Variants in IGDCC3 observed in about 807,000 individuals in gnomAD.
IGDCC3 encodes putative neuronal cell adhesion molecule.
Under a neutral mutation model 72.0 loss-of-function variants are expected in IGDCC3, and 47 were observed. The observed-to-expected ratio is 0.65, with a 90% confidence interval of 0.52 to 0.83. IGDCC3 has a LOEUF of 0.83. Ranked by LOEUF, IGDCC3 falls within the 40% of genes least tolerant of loss-of-function variation. The pLI, the probability that IGDCC3 is intolerant of heterozygous loss-of-function variation, is 0.00. For missense variants in IGDCC3, 1,038 were observed against 1,091.3 expected, an observed-to-expected ratio of 0.95 and a Z score of 0.69; for synonymous variants, 477 against 472.8, an observed-to-expected ratio of 1.01 and a Z score of -0.11.
At position 65,372,519 on chromosome 15, in the gene IGDCC3, G is replaced by A. The variant is rs150957177; in HGVS notation, c.409+2578C>T. Reference sequence around the variant, plus strand: ...CATCTGAACCCCCTGATGGAAGGGCGTGCATTTCCAACCATCCGCCTCTGG... The same window carrying A: ...CATCTGAACCCCCTGATGGAAGGGCATGCATTTCCAACCATCCGCCTCTGG... On this transcript the variant is annotated intron_variant, in intron 2 of 13. Coordinates refer to ENST00000327987, the MANE Select transcript of IGDCC3 (RefSeq NM_004884.4). 2.6e-4 allele frequency among the ~76,000 whole-genome samples: 40 copies of A among 152,280 alleles called. 2 individuals are homozygous for A. In the East Asian group the frequency reaches 3.7e-3, roughly 14 times the overall value.
Position 65,331,641 on chromosome 15 carries a change from T to C in IGDCC3, c.1167A>G (p.Gly389=). 1.2e-6 allele frequency: 2 copies of C among 1,608,258 alleles called. No homozygotes were observed. The highest frequency in any genetic ancestry group is 1.7e-6 in the Non-Finnish European group (2 of 1,176,150). Reference sequence around the variant, plus strand: ...AAATGGCTTCATCCTCAGGACCGATTCCAGAAATGGTCAGTGTGCTGCAGG... The same window carrying C: ...AAATGGCTTCATCCTCAGGACCGATCCCAGAAATGGTCAGTGTGCTGCAGG... The part of the protein sequence containing the change: ...KNNNSTLTIS[G]IGPEDEAIYQ... The change falls in exon 8 of 14, where the codon GGA becomes GGG. Residue 389 remains glycine, a synonymous_variant. Coordinates refer to ENST00000327987, the MANE Select transcript of IGDCC3 (RefSeq NM_004884.4).
At position 65,377,340 on chromosome 15, in the gene IGDCC3, G is replaced by C. The variant is rs1029472549; in HGVS notation, c.103+346C>G. ...CCCAGCACCCCAGCTCGTCCGCCTC[G>C]GTCAGCGCTTAGCCTTGCGGTCTCC... On this transcript the variant is annotated intron_variant, in intron 1 of 13. Coordinates refer to ENST00000327987, the MANE Select transcript of IGDCC3 (RefSeq NM_004884.4). This position sits in a 1 kb window ranked among gnomAD's most constrained non-coding sequence, Gnocchi z 4.9. Among the ~76,000 whole-genome samples, 1 of 152,134 alleles carries C rather than the reference G, an allele frequency of 6.6e-6. No individual in the cohort carries two copies. The highest frequency in any genetic ancestry group is 1.5e-5 in the Non-Finnish European group (1 of 68,020).
At chr15:65,340,090 G>A (rs1444619684) in intron 2 of IGDCC3, among the ~76,000 whole-genome samples, 1 of 152,192 alleles carries the variant, frequency 6.6e-6, no homozygotes, top group Non-Finnish European at 1.5e-5. Flanking sequence ...CAGAGAGTGA[G>A]CTTAGCAATT....
chr15:65,365,198 G>A (rs1035623963), intron 2 of IGDCC3, among the ~76,000 whole-genome samples: 1 of 152,054 alleles, frequency 6.6e-6, no homozygotes, highest in African/African-American at 2.4e-5. Flanking sequence ...AGGACCTAAG[G>A]GGGTTGGGAA....
rs1381599273 is a variant in IGDCC3 at position 65,327,557 on chromosome 15, T to TGAG, written c.*1349_*1351dup. 6.6e-6 allele frequency: 1 copy of TGAG among 152,360 alleles called. No homozygotes were observed. The highest frequency in any genetic ancestry group is 1.5e-5 in the Non-Finnish European group (1 of 68,042). 9.4% of individuals were successfully genotyped at this position (152,360 alleles called of 1,614,324 possible). On this transcript the variant is annotated 3_prime_UTR_variant, in exon 14 of 14. Transcript: ENST00000327987. Reference sequence around the variant, plus strand: ...CTTCTGCTATTTAAAAAAATGTTTCTGAGTATAACCAAAAATAGGTATTTG... The same window carrying TGAG: ...CTTCTGCTATTTAAAAAAATGTTTCTGAGGAGTATAACCAAAAATAGGTATTTG...
intron 1 of IGDCC3, 134 bp from the exon 2 acceptor site, chr15:65,375,536 A>G: frequency 2.9e-6 from 2 of 685,960 alleles, no homozygotes; most frequent in Non-Finnish European, 4.8e-6. Context: ...TAATGTTAAT[A>G]GGAATTCCTA....
chr15:65,377,672 G>A lies in IGDCC3; in HGVS notation c.103+14C>T, dbSNP rs1480728216. The A allele has an allele frequency of 2.8e-6, 4 of 1,447,264 alleles. No homozygotes were observed. The highest frequency in any genetic ancestry group is 1.5e-5 in the African/African-American group (1 of 67,840). 89.7% of individuals were successfully genotyped at this position (1,447,264 alleles called of 1,614,324 possible). On this transcript the variant is annotated intron_variant, in intron 1 of 13. Transcript: ENST00000327987. The surrounding 1 kb of genome is among the most constrained non-coding windows in gnomAD (Gnocchi z 4.9). ...TCCGTCCGCAACCGCCCGGTCCGGGGCGCTTTCACTCACCCTCGCTCGGCG... is the reference window on the plus strand; with the variant it reads ...TCCGTCCGCAACCGCCCGGTCCGGGACGCTTTCACTCACCCTCGCTCGGCG...
rs190465056 is a variant in IGDCC3 at position 65,334,257 on chromosome 15, T to C, written c.823+471A>G. ...TTTCTCTCTTTCAGCTGCCTGGGGA[T>C]TTAGGCTGGGGGACTTAGGGGGCCA... On this transcript the variant is annotated intron_variant, in intron 5 of 13. Coordinates refer to ENST00000327987, the MANE Select transcript of IGDCC3 (RefSeq NM_004884.4). Among the ~76,000 whole-genome samples the C allele has an allele frequency of 1.1e-4, 16 of 151,980 alleles. No individual in the cohort carries two copies. The East Asian group carries it at 3.1e-3, about 30-fold the overall frequency.
chr15:65,331,614 A>T lies in IGDCC3; in HGVS notation c.1194T>A (p.Tyr398Ter). 6.2e-7 allele frequency: 1 copy of T among 1,612,984 alleles called. No individual in the cohort carries two copies. Among genetic ancestry groups the T allele is most frequent in the African/African-American group, 1.3e-5 (1 of 75,038 alleles). ...CCGCACTGTTCTCGGCCACACACTG[A>T]TAAATGGCTTCATCCTCAGGACCGA... ...SGIGPEDEAIYQCVAENSAGS... is the reference protein window; with the variant it reads ...SGIGPEDEAI The change falls in exon 8 of 14, where the codon TAT becomes TAA. Residue 398 changes from tyrosine (Y) to a stop codon, truncating the protein, a stop_gained. Coordinates refer to ENST00000327987, the MANE Select transcript of IGDCC3 (RefSeq NM_004884.4). LOFTEE classifies it high-confidence loss of function.
chr15:65,332,868 C>T (rs1224063165), intron 6 of IGDCC3, among the ~76,000 whole-genome samples: 1 of 152,154 alleles, frequency 6.6e-6, no homozygotes, highest in Non-Finnish European at 1.5e-5. Flanking sequence ...CAAGCAGGCC[C>T]GGAGTGCACA....
intron 2 of IGDCC3, among the ~76,000 whole-genome samples, chr15:65,370,441 G>A (rs2091315366): frequency 6.7e-6 from 1 of 149,792 alleles, no homozygotes; most frequent in Non-Finnish European, 1.5e-5. Context: ...TTGAACCCGG[G>A]AGGCAGATGT....
At chr15:65,357,050 C>T (rs2091228011) in intron 2 of IGDCC3, among the ~76,000 whole-genome samples, 1 of 151,744 alleles carries the variant, frequency 6.6e-6, no homozygotes, top group South Asian at 2.1e-4. Flanking sequence ...TGGGGTTTCA[C>T]CATGTTGGCC....
chr15:65,331,378 TAGAGGAAGGGGCAAC>T lies in IGDCC3; in HGVS notation c.1396+19_1396+33del. ...TTGGAAGGAATAAGAAATAGTGAAT[TAGAGGAAGGGGCAAC>T]AGAGCTGGCCACGCGCACCAGCAGC... On this transcript the variant is annotated intron_variant, in intron 8 of 13. Coordinates refer to ENST00000327987, the MANE Select transcript of IGDCC3 (RefSeq NM_004884.4). 1 of 1,577,952 alleles carries T rather than the reference TAGAGGAAGGGGCAAC, an allele frequency of 6.3e-7. No homozygotes were observed. Among genetic ancestry groups the T allele is most frequent in the South Asian group, 1.2e-5 (1 of 85,376 alleles).
At chr15:65,348,663 G>A (rs1428839428) in intron 2 of IGDCC3, among the ~76,000 whole-genome samples, 1 of 152,172 alleles carries the variant, frequency 6.6e-6, no homozygotes, top group Non-Finnish European at 1.5e-5. Flanking sequence ...AAAAGGCAAG[G>A]ATGCTTGACC....
chr15:65,350,609 G>A (rs866211807), intron 2 of IGDCC3, among the ~76,000 whole-genome samples: 4 of 151,882 alleles, frequency 2.6e-5, no homozygotes, highest in South Asian at 2.1e-4. Context: ...TTACAGGTGC[G>A]TGCCACCAGG....
intron 2 of IGDCC3, among the ~76,000 whole-genome samples, chr15:65,360,939 C>A (rs995094167): frequency 1.3e-5 from 2 of 152,116 alleles, no homozygotes; most frequent in African/African-American, 4.8e-5. Context: ...CCATGCCTGG[C>A]TAATTTTGTG....
intron 2 of IGDCC3, among the ~76,000 whole-genome samples, chr15:65,340,541 G>C (rs2091071464): frequency 6.6e-6 from 1 of 152,094 alleles, no homozygotes; most frequent in African/African-American, 2.4e-5. Context: ...GGCCACCGAG[G>C]CCCATTCCCT....
intron 2 of IGDCC3, among the ~76,000 whole-genome samples, chr15:65,345,006 G>A (rs1211344064): frequency 6.6e-6 from 1 of 152,162 alleles, no homozygotes; most frequent in Non-Finnish European, 1.5e-5. Context: ...AGCAGTCCCA[G>A]TTTCGAGTAT....
intron 2 of IGDCC3, among the ~76,000 whole-genome samples, chr15:65,349,715 C>T (rs953623961): frequency 2.0e-5 from 3 of 152,148 alleles, no homozygotes; most frequent in Non-Finnish European, 2.9e-5. Context: ...CTTTTAACCA[C>T]GTGGCAGTAC....
Sources: allele counts gnomAD v4.1 joint callset (sites outside exome capture counted in the v4.1 genomes callset), GRCh38; gene constraint gnomAD v4.1.1; non-coding constraint Gnocchi (gnomAD v3.1); transcripts MANE v1.5; gene names NCBI Gene and HGNC (gene_info 2026-07-23, HGNC 2026-07-21).